Variants in CECR2 observed in about 807,000 individuals in gnomAD.
CECR2 encodes chromatin remodeling regulator CECR2.
CECR2 carries 30 observed loss-of-function variants against 154.5 expected under a neutral mutation model. The ratio of observed to expected loss-of-function variants is 0.19; its 90% CI spans 0.15 to 0.26. CECR2 has a LOEUF of 0.26. Ranked by LOEUF, CECR2 falls within the 10% of genes least tolerant of loss-of-function variation. The probability of loss-of-function intolerance (pLI) is 1.00; values close to 1 mark genes in which losing one functional copy is unlikely to be tolerated. For synonymous variants in CECR2, 725 were observed against 683.7 expected (o/e 1.06, Z -0.94); for missense variants, 1,743 against 1,829.3 (o/e 0.95, Z 0.86).
At chr22:17,516,194 T>C (rs2056050427) in intron 8 of CECR2, among the ~76,000 whole-genome samples, 2 of 151,980 alleles carry the variant, frequency 1.3e-5, no homozygotes, top group South Asian at 2.1e-4. Context: ...CCAGGATTGA[T>C]CAAAATATAG....
chr22:17,548,128 C>CTTTTT lies in CECR2; in HGVS notation c.2861-9_2861-5dup. 2.9e-6 allele frequency: 4 copies of CTTTTT among 1,378,070 alleles called. No individual in the cohort carries two copies. Among genetic ancestry groups the CTTTTT allele is most frequent in the African/African-American group, 1.6e-5 (1 of 64,218 alleles). 85.4% of individuals were successfully genotyped at this position (1,378,070 alleles called of 1,614,324 possible). A position where few individuals can be genotyped will look rare whatever the true frequency, so the allele number is the denominator to read the frequency against. Reference sequence around the variant, plus strand: ...CAGCTACTGAGTTATTTTTTCTCCTCTTTTTTTTTTTTTTTGCAGCAGAGC... The same window carrying CTTTTT: ...CAGCTACTGAGTTATTTTTTCTCCTCTTTTTTTTTTTTTTTTTTTTGCAGCAGAGC... On this transcript the variant is annotated intron_variant, in intron 16 of 18. Transcript: ENST00000262608.
chr22:17,511,730 TGGC>T, intron 7 of CECR2, 80 bp from the exon 8 acceptor site: 1 of 1,226,536 alleles, frequency 8.2e-7, no homozygotes, highest in Non-Finnish European at 1.2e-6. Flanking sequence ...ACTTTTTTAC[TGGC>T]GGCAGCAGCA....
upstream of CECR2, among the ~76,000 whole-genome samples, chr22:17,364,593 C>G (rs965757440): frequency 3.3e-5 from 5 of 151,954 alleles, no homozygotes; most frequent in African/African-American, 9.7e-5. Flanking sequence ...GTGCTGTGAT[C>G]CCAGCACTTT....
intron 16 of CECR2, among the ~76,000 whole-genome samples, chr22:17,547,086 CACTT>C (rs1382435517): frequency 2.0e-5 from 3 of 149,686 alleles, no homozygotes; most frequent in Non-Finnish European, 3.0e-5. Context: ...TATATACACA[CACTT>C]ACACACTATT....
At chr22:17,388,452 G>A (rs1057418965) in intron 1 of CECR2, among the ~76,000 whole-genome samples, 2 of 152,188 alleles carry the variant, frequency 1.3e-5, no homozygotes, top group African/African-American at 4.8e-5. Context: ...CGCATGCCCA[G>A]CGGGTGGCAG....
chr22:17,421,614 CAAAAA>C (rs34156323), intron 1 of CECR2, among the ~76,000 whole-genome samples: 4 of 23,374 alleles, frequency 1.7e-4, no homozygotes, highest in African/African-American at 5.0e-4. Flanking sequence ...GACTCCGTCT[CAAAAA>C]AAAAAAAAAA....
chr22:17,385,055 T>A (rs1240216602), intron 1 of CECR2, among the ~76,000 whole-genome samples: 1 of 152,222 alleles, frequency 6.6e-6, no homozygotes. Flanking sequence ...CTCACCTTTC[T>A]AAGCCTTCGT....
At chr22:17,538,483 C>A in intron 10 of CECR2, 37 bp from the exon 11 acceptor site, 3 of 1,596,830 alleles carry the variant, frequency 1.9e-6, no homozygotes, top group Non-Finnish European at 2.6e-6. Flanking sequence ...AGAAGGTGGT[C>A]AGAGTTACTA....
At chr22:17,364,342 C>CG (rs2062991007) in intron 1 of CECR2, among the ~76,000 whole-genome samples, 1 of 52,946 alleles carries the variant, frequency 1.9e-5, no homozygotes, top group Non-Finnish European at 3.0e-5. Context: ...GACTCTGTCT[C>CG]AAAAAAAAAA....
At chr22:17,478,987 C>T (rs1013169807) in intron 2 of CECR2, among the ~76,000 whole-genome samples, 1 of 152,064 alleles carries the variant, frequency 6.6e-6, no homozygotes, top group Non-Finnish European at 1.5e-5. Flanking sequence ...TTTAATTCCA[C>T]ATTTTCATAA....
At chr22:17,452,031 C>T (rs1369988643) in intron 1 of CECR2, among the ~76,000 whole-genome samples, 3 of 152,246 alleles carry the variant, frequency 2.0e-5, no homozygotes, top group Admixed American at 6.5e-5. Context: ...GACGTCAGAT[C>T]GCTTAGGACC....
chr22:17,445,298 A>T (rs990239509), intron 1 of CECR2, among the ~76,000 whole-genome samples: 3 of 152,204 alleles, frequency 2.0e-5, no homozygotes, highest in African/African-American at 7.2e-5. Context: ...GCTTGAGGCC[A>T]GGAGACCAGT....
intron 8 of CECR2, among the ~76,000 whole-genome samples, chr22:17,519,818 A>C (rs1055560763): frequency 6.8e-6 from 1 of 146,626 alleles, no homozygotes; most frequent in Non-Finnish European, 1.5e-5. Context: ...TTGAGACATA[A>C]TCTCACTCTG....
chr22:17,450,274 C>T (rs2054747451), intron 1 of CECR2, among the ~76,000 whole-genome samples: 1 of 152,026 alleles, frequency 6.6e-6, no homozygotes, highest in African/African-American at 2.4e-5. Context: ...AATATATTAA[C>T]TTTTTGTTGT....
chr22:17,499,385 A>C lies in CECR2; in HGVS notation c.406-25A>C, dbSNP rs758351805. 13 of 1,593,524 alleles carry C rather than the reference A, an allele frequency of 8.2e-6. No homozygotes were observed. In the South Asian group the frequency reaches 1.0e-4, roughly 13 times the overall value. On this transcript the variant is annotated intron_variant, in intron 3 of 18. Coordinates refer to ENST00000262608, the MANE Select transcript of CECR2 (RefSeq NM_001290047.2). ...GTGCGTTTTGTTCCCCATTTCCCCA[A>C]ACCCCTTTTCCGTGCTCTGTGTAGG...
At position 17,548,130 on chromosome 22, in the gene CECR2, T is replaced by C; in HGVS notation, c.2861-18T>C. 3.1e-6 allele frequency: 1 copy of C among 320,504 alleles called. No homozygotes were observed. The highest frequency in any genetic ancestry group is 4.0e-6 in the Non-Finnish European group (1 of 250,398). 19.9% of individuals were successfully genotyped at this position (320,504 alleles called of 1,614,324 possible). On this transcript the variant is annotated intron_variant, in intron 16 of 18. Transcript: ENST00000262608. ...GCTACTGAGTTATTTTTTCTCCTCT[T>C]TTTTTTTTTTTTTGCAGCAGAGCCG... is the stretch of plus-strand genomic sequence containing the variant.
chr22:17,377,125 A>T (rs753129224), intron 1 of CECR2, among the ~76,000 whole-genome samples: 3 of 152,164 alleles, frequency 2.0e-5, no homozygotes, highest in Non-Finnish European at 2.9e-5. Context: ...AACACTCTTA[A>T]CTAATCTAGA....
chr22:17,506,067 A>G (rs926167909), intron 7 of CECR2, among the ~76,000 whole-genome samples: 1 of 151,778 alleles, frequency 6.6e-6, no homozygotes, highest in Non-Finnish European at 1.5e-5. Flanking sequence ...GGCTTGTCCC[A>G]AACTCCTAGC....
intron 1 of CECR2, among the ~76,000 whole-genome samples, chr22:17,374,499 G>A (rs2063095801): frequency 6.6e-6 from 1 of 152,190 alleles, no homozygotes; most frequent in African/African-American, 2.4e-5. Context: ...GCACTTTGCT[G>A]GAGGAGAGGG....
Sources: allele counts gnomAD v4.1 joint callset (sites outside exome capture counted in the v4.1 genomes callset), GRCh38; gene constraint gnomAD v4.1.1; transcripts MANE v1.5; gene names NCBI Gene and HGNC (gene_info 2026-07-23, HGNC 2026-07-21).